Variants in TEPSIN observed in about 807,000 individuals in gnomAD.
TEPSIN encodes TEPSIN adaptor related protein complex 4 accessory protein, also known as AP-4 complex accessory subunit tepsin.
TEPSIN carries 50 observed loss-of-function variants against 48.5 expected under a neutral mutation model. That is an observed-to-expected ratio of 1.03 (90% CI 0.82 to 1.31). TEPSIN has a LOEUF of 1.31. Among genes scored for constraint, TEPSIN ranks in the 50% most tolerant of loss-of-function variants. The pLI is 0.00. For synonymous variants in TEPSIN, 392 were observed against 358.8 expected, an observed-to-expected ratio of 1.09 and a Z score of -1.05; for missense variants, 838 against 815.9, an observed-to-expected ratio of 1.03 and a Z score of -0.33.
Position 81,236,815 on chromosome 17 carries a change from C to A in TEPSIN, c.214-14G>T. 2 of 1,557,260 alleles carry A rather than the reference C, an allele frequency of 1.3e-6. No individual in the cohort carries two copies. The highest frequency in any genetic ancestry group is 8.7e-7 in the Non-Finnish European group (1 of 1,151,324). On this transcript the variant is annotated splice_polypyrimidine_tract_variant and intron_variant, in intron 3 of 12. Transcript: ENST00000637944. ...GATCTTCAGCACCTGGGGAGTGGGG[C>A]GGTCAGCAGTGCTGGGCAGGCCGGA... is the stretch of plus-strand genomic sequence containing the variant.
chr17:81,236,797 A>G lies in TEPSIN; in HGVS notation c.218T>C (p.Leu73Pro). 6.4e-7 allele frequency: 1 copy of G among 1,564,718 alleles called. No individual in the cohort carries two copies. The highest frequency in any genetic ancestry group is 8.7e-7 in the Non-Finnish European group (1 of 1,155,522). Reference sequence around the variant, plus strand: ...GCTGCACAGATAGAGCAGGATCTTCAGCACCTGGGGAGTGGGGCGGTCAGC... The same window carrying G: ...GCTGCACAGATAGAGCAGGATCTTCGGCACCTGGGGAGTGGGGCGGTCAGC... The part of the protein sequence containing the change: ...SSSGHGKLKV[L>P]KILLYLCSHG... Residue 73 changes from leucine to proline, a missense_variant, in exon 4 of 13, where the codon CTG becomes CCG. Physicochemically the swap from Leu to Pro is moderately conservative, Grantham distance 98 (BLOSUM62 -3). Coordinates refer to ENST00000637944, the MANE Select transcript of TEPSIN (RefSeq NM_001363764.2).
rs1156446222 is a variant in TEPSIN, at chr17:81,232,271, A to G, written c.730+44T>C. 4.8e-6 allele frequency: 7 copies of G among 1,472,072 alleles called. No individual in the cohort carries two copies. The South Asian group carries it at 9.3e-5, about 20-fold the overall frequency. 91.2% of individuals were successfully genotyped at this position (1,472,072 alleles called of 1,614,324 possible). A position where few individuals can be genotyped will look rare whatever the true frequency, so the allele number is the denominator to read the frequency against. On this transcript the variant is annotated intron_variant, in intron 8 of 12. Coordinates refer to ENST00000637944, the MANE Select transcript of TEPSIN (RefSeq NM_001363764.2). ...CCGCAAAGCCCCAGCGGTGACAGGA[A>G]GGAGTGACCCAGACCCCAAGGGGAG...
At position 81,229,352 on chromosome 17, in the gene TEPSIN, G is replaced by A. The variant is rs772842135; in HGVS notation, c.1358C>T (p.Pro453Leu). Residue 453 changes from proline (P) to leucine (L), a missense_variant, in exon 13 of 13, where the codon CCT becomes CTT. By Grantham distance (98) the Pro-to-Leu change is moderately conservative (BLOSUM62 -3). Coordinates refer to ENST00000637944, the MANE Select transcript of TEPSIN (RefSeq NM_001363764.2). The stretch of plus-strand genomic sequence containing the variant: ...AGGCTGCAGGAAGACCTGGCTCCCA[G>A]GGAGAGGCACAGCGTCGGTCAGCAG... ...SDLLTDAVPL[P>L]GSQVFLQPLS... The A allele has an allele frequency of 1.0e-5, 16 of 1,563,416 alleles. No individual in the cohort carries two copies. In the African/African-American group the frequency reaches 1.9e-4, roughly 19 times the overall value.
At chr17:81,235,320 C>T (rs1245428653) in intron 4 of TEPSIN, among the ~76,000 whole-genome samples, 3 of 152,158 alleles carry the variant, frequency 2.0e-5, no homozygotes, top group Non-Finnish European at 4.4e-5. Flanking sequence ...GCTCTGCGCG[C>T]GTGGGGCAGG....
rs764587353 is a variant in TEPSIN at position 81,234,096 on chromosome 17, G to A, written c.308-48C>T. On this transcript the variant is annotated intron_variant, in intron 4 of 12. Transcript: ENST00000637944. This position sits in a 1 kb window ranked among gnomAD's most constrained non-coding sequence, Gnocchi z 5.4. Reference sequence around the variant, plus strand: ...CGGGGGCAGGGCTGAGCCTGGCACCGCTGCTCCCTGTGGAGCACGGTGCCC... The same window carrying A: ...CGGGGGCAGGGCTGAGCCTGGCACCACTGCTCCCTGTGGAGCACGGTGCCC... 23 of 1,503,596 alleles carry A rather than the reference G, an allele frequency of 1.5e-5. No individual in the cohort carries two copies. Among genetic ancestry groups the A allele is most frequent in the South Asian group, 9.2e-5 (7 of 75,896 alleles). 93.1% of individuals were successfully genotyped at this position (1,503,596 alleles called of 1,614,324 possible).
In TEPSIN at chr17:81,233,224, C is replaced by A; in HGVS notation, c.526+208G>T. On this transcript the variant is annotated intron_variant, in intron 7 of 12. Coordinates refer to ENST00000637944, the MANE Select transcript of TEPSIN (RefSeq NM_001363764.2). This position sits in a 1 kb window ranked among gnomAD's most constrained non-coding sequence, Gnocchi z 5.8. The stretch of plus-strand genomic sequence containing the variant: ...GCTCGGCCTGGTTTCTCTCATCTGT[C>A]CATAAAGCAGCCCTGGCCACACCTG... 6.4e-6 allele frequency: 4 copies of A among 623,426 alleles called. No homozygotes were observed. The allele number at this position is 623,426 out of a possible 1,614,324, so 38.6% of individuals were successfully genotyped here. A position where few individuals can be genotyped will look rare whatever the true frequency, so the allele number is the denominator to read the frequency against.
chr17:81,231,031 G>A (rs1307525117), intron 11 of TEPSIN: 8 of 456,932 alleles, frequency 1.8e-5, no homozygotes, highest in African/African-American at 7.1e-5. Flanking sequence ...TCATTCCTCC[G>A]CACGCCCCCC....
rs1031825228 is a variant in TEPSIN at position 81,237,247 on chromosome 17, G to A, written c.121+140C>T. On this transcript the variant is annotated intron_variant, in intron 2 of 12. Transcript: ENST00000637944. ...TGTGTCATCAGTATTGCAGCCTTCA[G>A]ACCCCACCCATGCCTGGTTACAATA... 5 of 1,226,962 alleles carry A rather than the reference G, an allele frequency of 4.1e-6. No homozygotes were observed. The African/African-American group carries it at 4.5e-5, about 11-fold the overall frequency. The allele number at this position is 1,226,962 out of a possible 1,614,324, so 76.0% of individuals were successfully genotyped here.
At position 81,238,961 on chromosome 17, in the gene TEPSIN, G is replaced by A. The variant is rs1013871449; in HGVS notation, c.48+25C>T. On this transcript the variant is annotated intron_variant, in intron 1 of 12. Coordinates refer to ENST00000637944, the MANE Select transcript of TEPSIN (RefSeq NM_001363764.2). ...GCTCGAGAGGAGCCGTGGGACCGGG[G>A]CCCGGGCGGACCGCCCTCACTCACC... 4.9e-6 allele frequency: 7 copies of A among 1,435,600 alleles called. No individual in the cohort carries two copies. In the Admixed American group the frequency reaches 1.3e-4, roughly 27 times the overall value. The allele number at this position is 1,435,600 out of a possible 1,614,324, so 88.9% of individuals were successfully genotyped here.
chr17:81,232,998 G>A, intron 7 of TEPSIN: 1 of 245,464 alleles, frequency 4.1e-6, no homozygotes, highest in South Asian at 6.4e-5. Flanking sequence ...AGCTGGGCTG[G>A]GGGCTGGGTC....
At position 81,237,078 on chromosome 17, in the gene TEPSIN, C is replaced by G; in HGVS notation, c.122-7G>C. On this transcript the variant is annotated splice_region_variant and splice_polypyrimidine_tract_variant and intron_variant, in intron 2 of 12. Transcript: ENST00000637944. ...GGAGACTCGTGGGAGATTTCTGCGG[C>G]ACGCTCGGGTTAGGGAAGGGCGAGA... The G allele has an allele frequency of 6.3e-7, 1 of 1,580,650 alleles. No homozygotes were observed.
At chr17:81,231,789 A>AG in intron 9 of TEPSIN, 58 bp downstream of exon 9, 2 of 1,606,274 alleles carry the variant, frequency 1.2e-6, no homozygotes, top group South Asian at 1.1e-5. Flanking sequence ...CCGCGCTGGG[A>AG]GGGGGACAGT....
rs1409612685 is a variant in TEPSIN, at chr17:81,229,340, A to G, written c.1370T>C (p.Val457Ala). ...TDAVPLPGSQ[V>A]FLQPLSSTPV... Reference sequence around the variant, plus strand: ...GGTTGAACTCAGAGGCTGCAGGAAGACCTGGCTCCCAGGGAGAGGCACAGC... The same window carrying G: ...GGTTGAACTCAGAGGCTGCAGGAAGGCCTGGCTCCCAGGGAGAGGCACAGC... The change falls in exon 13 of 13, where the codon GTC becomes GCC. Residue 457 changes from valine (V) to alanine (A), a missense_variant. Transcript: ENST00000637944. The G allele has an allele frequency of 6.4e-7, 1 of 1,564,824 alleles. No homozygotes were observed. The highest frequency in any genetic ancestry group is 8.7e-7 in the Non-Finnish European group (1 of 1,155,080).
Position 81,228,699 on chromosome 17 carries a change from T to C in TEPSIN, c.*229A>G. 1.7e-6 allele frequency: 1 copy of C among 599,260 alleles called. No homozygotes were observed. Among genetic ancestry groups the C allele is most frequent in the Non-Finnish European group, 2.9e-6 (1 of 347,442 alleles). 37.1% of individuals were successfully genotyped at this position (599,260 alleles called of 1,614,324 possible). On this transcript the variant is annotated 3_prime_UTR_variant, in exon 13 of 13. Coordinates refer to ENST00000637944, the MANE Select transcript of TEPSIN (RefSeq NM_001363764.2). ...GGCAGGGACTGCCCCCTGAGAGCCCTGAGATCGACATTTCTGAAGCCCTGC... is the reference window on the plus strand; with the variant it reads ...GGCAGGGACTGCCCCCTGAGAGCCCCGAGATCGACATTTCTGAAGCCCTGC...
At position 81,230,694 on chromosome 17, in the gene TEPSIN, G is replaced by A. The variant is rs756182642; in HGVS notation, c.1099-16C>T. 6 of 1,521,438 alleles carry A rather than the reference G, an allele frequency of 3.9e-6. No homozygotes were observed. The highest frequency in any genetic ancestry group is 1.3e-5 in the South Asian group (1 of 78,220). 94.2% of individuals were successfully genotyped at this position (1,521,438 alleles called of 1,614,324 possible). On this transcript the variant is annotated splice_polypyrimidine_tract_variant and intron_variant, in intron 11 of 12. Coordinates refer to ENST00000637944, the MANE Select transcript of TEPSIN (RefSeq NM_001363764.2). The surrounding 1 kb of genome is among the most constrained non-coding windows in gnomAD (Gnocchi z 4.2). Reference sequence around the variant, plus strand: ...ACAGCGCCCTCTGCGGGTGAAGGGAGGGGACATCAGCACCCATGGGGCAGC... The same window carrying A: ...ACAGCGCCCTCTGCGGGTGAAGGGAAGGGACATCAGCACCCATGGGGCAGC...
intron 8 of TEPSIN, 65 bp from the exon 9 acceptor site, chr17:81,232,086 G>T: frequency 6.4e-7 from 1 of 1,552,306 alleles, no homozygotes; most frequent in South Asian, 1.2e-5. Context: ...CCCACCTCCC[G>T]GGGCCCTGGA....
intron 1 of TEPSIN, chr17:81,238,559 C>T (rs1225651646): frequency 1.0e-6 from 1 of 1,003,022 alleles, no homozygotes; most frequent in Non-Finnish European, 1.2e-6. Flanking sequence ...GTGTTCTCTG[C>T]AACCCAGGGG....
chr17:81,230,728 G>A lies in TEPSIN; in HGVS notation c.1099-50C>T, dbSNP rs779688368. 8.8e-6 allele frequency: 13 copies of A among 1,470,044 alleles called. No individual in the cohort carries two copies. The highest frequency in any genetic ancestry group is 4.3e-5 in the African/African-American group (3 of 70,128). 91.1% of individuals were successfully genotyped at this position (1,470,044 alleles called of 1,614,324 possible). A position where few individuals can be genotyped will look rare whatever the true frequency, so the allele number is the denominator to read the frequency against. ...AGCACCCATGGGGCAGCAGGTCCAC[G>A]CCAGGGAGGCCTATTTGGCCATCTC... On this transcript the variant is annotated intron_variant, in intron 11 of 12. Transcript: ENST00000637944. This position sits in a 1 kb window ranked among gnomAD's most constrained non-coding sequence, Gnocchi z 4.2.
rs777877465 is a variant in TEPSIN, at chr17:81,229,235, G to C, written c.1475C>G (p.Pro492Arg). 1 of 1,592,272 alleles carries C rather than the reference G, an allele frequency of 6.3e-7. No individual in the cohort carries two copies. Among genetic ancestry groups the C allele is most frequent in the Non-Finnish European group, 8.5e-7 (1 of 1,170,740 alleles). The change falls in exon 13 of 13, where the codon CCC becomes CGC. Residue 492 changes from proline (P) to arginine (R), a missense_variant. Coordinates refer to ENST00000637944, the MANE Select transcript of TEPSIN (RefSeq NM_001363764.2). ...PVPTPPPDASPIPAPGDPSEA... is the reference protein window; with the variant it reads ...PVPTPPPDASRIPAPGDPSEA... ...GCTGGGGTCTCCGGGGGCTGGAATG[G>C]GGGAGGCATCTGGGGGTGGGGTGGG... is the stretch of plus-strand genomic sequence containing the variant.
Sources: allele counts gnomAD v4.1 joint callset (sites outside exome capture counted in the v4.1 genomes callset), GRCh38; gene constraint gnomAD v4.1.1; non-coding constraint Gnocchi (gnomAD v3.1); transcripts MANE v1.5; gene names NCBI Gene and HGNC (gene_info 2026-07-23, HGNC 2026-07-21).